WDR81: variants seen among roughly 807,000 people sequenced by gnomAD.
WDR81 encodes the protein WD repeat-containing protein 81.
In WDR81, 92 loss-of-function variants were observed where a neutral mutation model predicts 140.8. The observed-to-expected ratio is 0.65, with a 90% CI of 0.55 to 0.78. WDR81 has a LOEUF of 0.78. Ranked by LOEUF, WDR81 falls within the 30% of genes least tolerant of loss-of-function variation. The pLI is 0.00. For synonymous variants in WDR81, 1,183 were observed against 1,156.4 expected (o/e 1.02, Z -0.47); for missense variants, 2,502 against 2,636.4 (o/e 0.95, Z 1.12).
Position 1,731,117 on chromosome 17 carries a change from A to G in WDR81, c.4016A>G (p.Glu1339Gly). The G allele has an allele frequency of 6.2e-7, 1 of 1,613,188 alleles. No individual in the cohort carries two copies. Among genetic ancestry groups the G allele is most frequent in the South Asian group, 1.1e-5 (1 of 91,078 alleles). ...SGPSRLNSRK[E>G]AGLLAAVTLT... The stretch of plus-strand genomic sequence containing the variant: ...CCCAGCCGACTGAACAGCCGTAAGG[A>G]GGCGGGGCTGCTGGCCGCGGTGACG... Residue 1339 changes from glutamate to glycine, a missense_variant, in exon 4 of 10, where the codon GAG (glutamate) becomes GGG (glycine). Around this residue, in one of 3 missense-constraint regions of WDR81, gnomAD observed 1,737 missense variants for 1,843.0 expected, o/e 0.94. Coordinates refer to ENST00000409644, the MANE Select transcript of WDR81 (RefSeq NM_001163809.2).
Position 1,726,480 on chromosome 17 carries a change from C to G in WDR81, c.1521C>G (p.Pro507=). Residue 507 remains proline (P), a synonymous_variant, in exon 1 of 10, where the codon CCC becomes CCG. Coordinates refer to ENST00000409644, the MANE Select transcript of WDR81 (RefSeq NM_001163809.2). ...TDPSIFRSIH[P]DMPDLDVPAW... ...CCTCTATCTTCCGCTCCATCCACCC[C>G]GACATGCCTGACCTGGATGTGCCAG... 1 of 1,550,584 alleles carries G rather than the reference C, an allele frequency of 6.4e-7. No homozygotes were observed. The highest frequency in any genetic ancestry group is 8.7e-7 in the Non-Finnish European group (1 of 1,147,028).
At chr17:1,730,302 G>A in intron 1 of WDR81, 78 bp from the exon 2 acceptor site, 2 of 1,211,404 alleles carry the variant, frequency 1.7e-6, no homozygotes, top group Admixed American at 2.4e-5. Context: ...GTGGTTGAGT[G>A]GGGTGCCGTG....
chr17:1,716,615 C>T (rs759627413), exon 1 of WDR81: 3 of 1,551,300 alleles, frequency 1.9e-6, no homozygotes, highest in Non-Finnish European at 2.6e-6. Context: ...ACCGTCGTTC[C>T]CAGAACCCAG....
chr17:1,717,683 A>G (rs572635142), intron 1 of WDR81, among the ~76,000 whole-genome samples: 2 of 152,206 alleles, frequency 1.3e-5, no homozygotes, highest in South Asian at 2.1e-4. Flanking sequence ...ATCCACTCCC[A>G]TGGGTGGTGA....
At position 1,725,944 on chromosome 17, in the gene WDR81, CAA is replaced by C. The variant is rs1236182083; in HGVS notation, c.986_987del (p.Gln329ArgfsTer82). On this transcript the variant is annotated frameshift_variant, in exon 1 of 10. Coordinates refer to ENST00000409644, the MANE Select transcript of WDR81 (RefSeq NM_001163809.2). LOFTEE classifies it high-confidence loss of function. The part of the protein sequence containing the change: ...VARDEAGIVS[Q>X]EEQGGQPGQP... Reference sequence around the variant, plus strand: ...AAGGGATGAGGCGGGCATTGTGTCTCAAGAGGAGCAGGGAGGGCAACCTGGGC... The same window carrying C: ...AAGGGATGAGGCGGGCATTGTGTCTCGAGGAGCAGGGAGGGCAACCTGGGC... The C allele has an allele frequency of 6.4e-7, 1 of 1,550,672 alleles. No individual in the cohort carries two copies. Among genetic ancestry groups the C allele is most frequent in the Non-Finnish European group, 8.7e-7 (1 of 1,146,912 alleles).
Position 1,725,215 on chromosome 17 carries a change from G to C in WDR81, c.256G>C (p.Glu86Gln). The change falls in exon 1 of 10, where the codon GAA becomes CAA. Residue 86 changes from glutamate (E) to glutamine (Q), a missense_variant. Transcript: ENST00000409644. ...CPRAEGLGEA[E>Q]VRTLLQRSVQ... ...CCGCGCAGAGGGCCTGGGAGAAGCG[G>C]AAGTCAGGACTCTCCTGCAGCGCTC... 1 of 1,539,116 alleles carries C rather than the reference G, an allele frequency of 6.5e-7. No homozygotes were observed. Among genetic ancestry groups the C allele is most frequent in the Non-Finnish European group, 8.7e-7 (1 of 1,146,816 alleles).
rs1332279949 is a variant in WDR81, at chr17:1,727,512, C to G, written c.2553C>G (p.Val851=). Residue 851 remains valine (V), a synonymous_variant, in exon 1 of 10, where the codon GTC becomes GTG. Transcript: ENST00000409644. ...KLDQLFEYRP[V]SQGLPPPCPS... is the part of the protein sequence containing the mutation. ...ACCAACTGTTTGAGTACAGGCCTGT[C>G]TCCCAGGGCCTGCCCCCACCCTGCC... 1.3e-6 allele frequency: 2 copies of G among 1,550,302 alleles called. No individual in the cohort carries two copies. The highest frequency in any genetic ancestry group is 1.7e-6 in the Non-Finnish European group (2 of 1,146,996).
intron 1 of WDR81, chr17:1,717,110 G>T (rs981246349): frequency 5.8e-6 from 1 of 171,344 alleles, no homozygotes; most frequent in African/African-American, 2.4e-5. Context: ...GTCAGCAATC[G>T]CATCCTCTGA....
chr17:1,725,574 C>G lies in WDR81; in HGVS notation c.615C>G (p.Gly205=), dbSNP rs770744073. Residue 205 remains glycine (G), a synonymous_variant, in exon 1 of 10, where the codon GGC becomes GGG. Coordinates refer to ENST00000409644, the MANE Select transcript of WDR81 (RefSeq NM_001163809.2). ...AATGCCCTTCATATGCCAGAGAAGG[C>G]CCCTGCCCCCCTCGGGGCAGCCCTG... ...TTQCPSYARE[G]PCPPRGSPAC... 6.5e-7 allele frequency: 1 copy of G among 1,544,976 alleles called. No individual in the cohort carries two copies. The highest frequency in any genetic ancestry group is 1.2e-5 in the South Asian group (1 of 84,060).
chr17:1,731,950 T>C (rs899020071), intron 4 of WDR81, among the ~76,000 whole-genome samples: 3 of 139,204 alleles, frequency 2.2e-5, no homozygotes, highest in African/African-American at 5.5e-5. Flanking sequence ...AGTATATATA[T>C]ATGCTGGGTG....
intron 9 of WDR81, among the ~76,000 whole-genome samples, chr17:1,736,671 G>A (rs1317708): frequency 0.22 from 33,685 of 152,148 alleles, 3,769 homozygotes; most frequent in South Asian, 0.39. Context: ...GCAGGAGCAC[G>A]CCTGGGCATG....
chr17:1,726,696 G>A lies in WDR81; in HGVS notation c.1737G>A (p.Gly579=), dbSNP rs1186767147. The part of the protein sequence containing the change: ...VDAHTHLASY[G]VVQLFDQPHP... Reference sequence around the variant, plus strand: ...CCCACACTCACCTGGCCAGCTACGGGGTGGTGCAGCTCTTCGATCAGCCAC... The same window carrying A: ...CCCACACTCACCTGGCCAGCTACGGAGTGGTGCAGCTCTTCGATCAGCCAC... Residue 579 remains glycine, a synonymous_variant, in exon 1 of 10, where the codon GGG becomes GGA. Transcript: ENST00000409644. 2 of 1,549,548 alleles carry A rather than the reference G, an allele frequency of 1.3e-6. No individual in the cohort carries two copies. The highest frequency in any genetic ancestry group is 2.4e-5 in the East Asian group (1 of 40,914).
In WDR81 at chr17:1,725,615, T is replaced by C. The variant is rs540651230; in HGVS notation, c.656T>C (p.Leu219Ser). 7.1e-5 allele frequency: 110 copies of C among 1,545,462 alleles called. 1 individual carries two copies. In the South Asian group the frequency reaches 1.3e-3, roughly 18 times the overall value. ...PRGSPACPSL[L>S]RAEALLESPE... Reference sequence around the variant, plus strand: ...GGCAGCCCTGCTTGCCCTAGTCTTTTACGGGCTGAGGCCTTGCTGGAGTCG... The same window carrying C: ...GGCAGCCCTGCTTGCCCTAGTCTTTCACGGGCTGAGGCCTTGCTGGAGTCG... Residue 219 changes from leucine to serine, a missense_variant, in exon 1 of 10, where the codon TTA (leucine) becomes TCA (serine). Leu to Ser is a moderately radical substitution (Grantham distance 145, BLOSUM62 -2). Coordinates refer to ENST00000409644, the MANE Select transcript of WDR81 (RefSeq NM_001163809.2).
In WDR81 at chr17:1,728,427, G is replaced by A. The variant is rs746240815; in HGVS notation, c.3468G>A (p.Glu1156=). Residue 1156 remains glutamate (E), a synonymous_variant, in exon 1 of 10, where the codon GAG becomes GAA. Coordinates refer to ENST00000409644, the MANE Select transcript of WDR81 (RefSeq NM_001163809.2). ...LKQSEGSEEE[E]EEEDSCVVLE... ...AAAGCGAGGGCTCCGAGGAGGAAGA[G>A]GAGGAGGAGGACAGCTGCGTGGTGC... 3 of 1,610,416 alleles carry A rather than the reference G, an allele frequency of 1.9e-6. No homozygotes were observed. Among genetic ancestry groups the A allele is most frequent in the Non-Finnish European group, 2.5e-6 (3 of 1,178,274 alleles).
In WDR81 at chr17:1,733,963, G is replaced by C; in HGVS notation, c.4926G>C (p.Gln1642His). The C allele has an allele frequency of 6.2e-7, 1 of 1,612,890 alleles. No individual in the cohort carries two copies. The highest frequency in any genetic ancestry group is 8.5e-7 in the Non-Finnish European group (1 of 1,179,998). ...AHFHFHQIRL[Q>H]SFPGHSGAVK... is the part of the protein sequence containing the mutation. ...TTCACTTCCACCAGATCCGCCTGCA[G>C]AGCTTCCCGGGCCACTCGGGGGCCG... The change falls in exon 7 of 10, where the codon CAG becomes CAC. Residue 1642 changes from glutamine to histidine, a missense_variant. Transcript: ENST00000409644.
rs1029594159 is a variant in WDR81, at chr17:1,724,746, C to T, written c.-214C>T. The stretch of plus-strand genomic sequence containing the variant: ...GGAGCCCGGTGCTCGCGCCCGGCAG[C>T]CTCTGCCCCGCCGCGCCCGGAGCGC... On this transcript the variant is annotated 5_prime_UTR_variant, in exon 1 of 10. Transcript: ENST00000409644. 6.1e-5 allele frequency: 68 copies of T among 1,123,210 alleles called. No individual in the cohort carries two copies. The highest frequency in any genetic ancestry group is 8.2e-5 in the African/African-American group (5 of 60,882). 69.6% of individuals were successfully genotyped at this position (1,123,210 alleles called of 1,614,324 possible). A position where few individuals can be genotyped will look rare whatever the true frequency, so the allele number is the denominator to read the frequency against.
At chr17:1,722,345 CTCTT>C (rs1302711748), upstream of WDR81, among the ~76,000 whole-genome samples, 2 of 149,678 alleles carry the variant, frequency 1.3e-5, no homozygotes, top group African/African-American at 4.9e-5. Flanking sequence ...TGTTTTCTCT[CTCTT>C]TTTTTTTTTT....
At chr17:1,731,291 C>T (rs1251753143) in intron 4 of WDR81, 33 bp downstream of exon 4, 23 of 1,600,164 alleles carry the variant, frequency 1.4e-5, no homozygotes, top group Admixed American at 8.5e-5. Flanking sequence ...GTAGGGGGAC[C>T]GGCCCAGCGG....
At position 1,732,658 on chromosome 17, in the gene WDR81, G is replaced by A. The variant is rs200150228; in HGVS notation, c.4324-8G>A. ...ACCCGGCTGACCCCCTGGGTGTCTT[G>A]CTCATAGGATCTGAAGCTGGACCCT... On this transcript the variant is annotated splice_polypyrimidine_tract_variant and splice_region_variant and intron_variant, in intron 5 of 9. Coordinates refer to ENST00000409644, the MANE Select transcript of WDR81 (RefSeq NM_001163809.2). 3.4e-3 allele frequency: 5,486 copies of A among 1,597,288 alleles called. 16 individuals carry two copies. Among genetic ancestry groups the A allele is most frequent in the South Asian group, 5.8e-3 (514 of 89,210 alleles).
Sources: allele counts gnomAD v4.1 joint callset (sites outside exome capture counted in the v4.1 genomes callset), GRCh38; gene constraint gnomAD v4.1.1; regional missense constraint gnomAD v4.1.1; transcripts MANE v1.5; gene names NCBI Gene and HGNC (gene_info 2026-07-23, HGNC 2026-07-21).